The following TMEM178B variants were observed in gnomAD, a reference collection of about 807,000 sequenced individuals.
The protein encoded by TMEM178B is transmembrane protein 178B.
Under a neutral mutation model 31.0 loss-of-function variants are expected in TMEM178B, and 5 were observed. The ratio of observed to expected loss-of-function variants is 0.16; its 90% CI spans 0.08 to 0.34. The LOEUF (loss-of-function observed/expected upper bound fraction) is 0.34. Among genes scored for constraint, TMEM178B ranks in the 10% least tolerant of loss-of-function variants. TMEM178B has a pLI of 1.00. For synonymous variants in TMEM178B, 164 were observed against 164.0 expected, an observed-to-expected ratio of 1.00 and a Z score of 0.00; for missense variants, 275 against 400.3, an observed-to-expected ratio of 0.69 and a Z score of 2.67.
At chr7:141,268,963 T>A (rs1172659388) in intron 2 of TMEM178B, among the ~76,000 whole-genome samples, 1 of 152,218 alleles carries the variant, frequency 6.6e-6, no homozygotes, top group Non-Finnish European at 1.5e-5. Context: ...ACCACGGCAA[T>A]GCTCTTGCTC....
intron 2 of TMEM178B, among the ~76,000 whole-genome samples, chr7:141,430,598 C>G (rs546712490): frequency 2.4e-4 from 36 of 152,258 alleles, no homozygotes; most frequent in African/African-American, 8.7e-4. Context: ...TTCTCCTGTT[C>G]CTGCCAGTTG....
chr7:141,171,014 ACATACACACACACAC>A lies in TMEM178B; in HGVS notation c.383-41576_383-41562del. Among the ~76,000 whole-genome samples the A allele has an allele frequency of 1.2e-5, 1 of 82,248 alleles. No individual in the cohort carries two copies. Among genetic ancestry groups the A allele is most frequent in the Middle Eastern group, 6.0e-3 (1 of 166 alleles). 54.0% of individuals were successfully genotyped at this position (82,248 alleles called of 152,430 possible). A position where few individuals can be genotyped will look rare whatever the true frequency, so the allele number is the denominator to read the frequency against. ...CAGGTTCAGACTACACATCACACAC[ACATACACACACACAC>A]ACACACACACACACACACACACACA... On this transcript the variant is annotated intron_variant, in intron 1 of 3. Coordinates refer to ENST00000565468, the MANE Select transcript of TMEM178B (RefSeq NM_001195278.2). This position sits in a 1 kb window ranked among gnomAD's most constrained non-coding sequence, Gnocchi z 4.3.
At chr7:141,301,610 C>G (rs1207070066) in intron 2 of TMEM178B, among the ~76,000 whole-genome samples, 1 of 152,122 alleles carries the variant, frequency 6.6e-6, no homozygotes, top group African/African-American at 2.4e-5. Flanking sequence ...TTTCCAATCT[C>G]GAGCTAAGTG....
At chr7:141,076,717 T>G (rs1794606008) in intron 1 of TMEM178B, among the ~76,000 whole-genome samples, 1 of 152,208 alleles carries the variant, frequency 6.6e-6, no homozygotes, top group African/African-American at 2.4e-5. Flanking sequence ...GATTTTTAAT[T>G]GCAGCAACAG....
the TMEM178B span, among the ~76,000 whole-genome samples, chr7:141,491,851 G>C: frequency 6.6e-6 from 1 of 152,102 alleles, no homozygotes; most frequent in Non-Finnish European, 1.5e-5. Context: ...ATGCCATCGC[G>C]TGCCCTTTCA....
chr7:141,473,604 C>T lies in TMEM178B; in HGVS notation c.*2818C>T, dbSNP rs1229361931. On this transcript the variant is annotated 3_prime_UTR_variant, in exon 4 of 4. Transcript: ENST00000565468. ...CAAAGCTTACTGCATCCCTTTGAAA[C>T]CTTGAGAGTTCCTGAAATGTTAGAA... 1 of 152,164 alleles carries T rather than the reference C, an allele frequency of 6.6e-6. No homozygotes were observed. Among genetic ancestry groups the T allele is most frequent in the Admixed American group, 6.5e-5 (1 of 15,278 alleles). The allele number at this position is 152,164 out of a possible 1,614,324, so 9.4% of individuals were successfully genotyped here. A position where few individuals can be genotyped will look rare whatever the true frequency, so the allele number is the denominator to read the frequency against.
chr7:141,430,750 T>TTC (rs150063399), intron 2 of TMEM178B, among the ~76,000 whole-genome samples: 1 of 151,582 alleles, frequency 6.6e-6, no homozygotes, highest in African/African-American at 2.4e-5. Flanking sequence ...TCATTGCAGA[T>TTC]TCTCTCTCTC....
chr7:141,157,211 C>T (rs1796085591), intron 1 of TMEM178B, among the ~76,000 whole-genome samples: 1 of 152,094 alleles, frequency 6.6e-6, no homozygotes, highest in Non-Finnish European at 1.5e-5. Context: ...GATGCTCTGC[C>T]TCTCTTGGTG....
intron 2 of TMEM178B, among the ~76,000 whole-genome samples, chr7:141,288,091 G>A (rs1413100677): frequency 3.3e-5 from 5 of 152,166 alleles, no homozygotes; most frequent in South Asian, 2.1e-4. Flanking sequence ...CTGTGTGCCC[G>A]TGCGGTTGGG....
intron 2 of TMEM178B, among the ~76,000 whole-genome samples, chr7:141,263,890 A>AGTTTAT (rs1461643457): frequency 6.6e-6 from 1 of 152,234 alleles, no homozygotes; most frequent in Non-Finnish European, 1.5e-5. Context: ...TACATGGTAC[A>AGTTTAT]GTTTATTACA....
intron 2 of TMEM178B, among the ~76,000 whole-genome samples, chr7:141,312,708 C>G (rs1798933829): frequency 6.6e-6 from 1 of 152,198 alleles, no homozygotes; most frequent in African/African-American, 2.4e-5. Context: ...GATGCACCTG[C>G]AGATCATGTA....
chr7:141,431,650 A>C (rs1410300632), intron 2 of TMEM178B, among the ~76,000 whole-genome samples: 1 of 152,206 alleles, frequency 6.6e-6, no homozygotes, highest in Non-Finnish European at 1.5e-5. Context: ...AGTCAAACTC[A>C]CCATTCTGGG....
At chr7:141,443,915 TG>T (rs1801706692) in intron 3 of TMEM178B, among the ~76,000 whole-genome samples, 1 of 152,232 alleles carries the variant, frequency 6.6e-6, no homozygotes, top group South Asian at 2.1e-4. Context: ...TACCTTCTTT[TG>T]TTGCTCTCAT....
chr7:141,181,207 A>G (rs1369242750), intron 1 of TMEM178B, among the ~76,000 whole-genome samples: 1 of 152,252 alleles, frequency 6.6e-6, no homozygotes, highest in Non-Finnish European at 1.5e-5. Context: ...TGTCATTACA[A>G]TGATGTGTTC....
At chr7:141,511,195 C>G in the TMEM178B span, among the ~76,000 whole-genome samples, 1 of 151,122 alleles carries the variant, frequency 6.6e-6, no homozygotes, top group African/African-American at 2.4e-5. Context: ...GGAAAGAAAC[C>G]TTCAATTGAG....
At chr7:141,407,694 A>G (rs1180239385) in intron 2 of TMEM178B, among the ~76,000 whole-genome samples, 1 of 152,202 alleles carries the variant, frequency 6.6e-6, no homozygotes, top group African/African-American at 2.4e-5. Flanking sequence ...CCTGTGTCAC[A>G]CACCTGGAAG....
chr7:141,275,531 G>A (rs963628099), intron 2 of TMEM178B, among the ~76,000 whole-genome samples: 1 of 152,144 alleles, frequency 6.6e-6, no homozygotes, highest in Non-Finnish European at 1.5e-5. Flanking sequence ...CCCTGTAGGG[G>A]AAGGATGGGA....
At chr7:141,160,526 A>T (rs1796152467) in intron 1 of TMEM178B, among the ~76,000 whole-genome samples, 1 of 152,084 alleles carries the variant, frequency 6.6e-6, no homozygotes, top group Admixed American at 6.6e-5. Context: ...AGGATGGATC[A>T]CGTTGCTCTC....
intron 1 of TMEM178B, among the ~76,000 whole-genome samples, chr7:141,128,426 C>T (rs1452481980): frequency 6.6e-6 from 1 of 151,916 alleles, no homozygotes; most frequent in Non-Finnish European, 1.5e-5. Context: ...GCAAAACAGC[C>T]CCTGGGCACC....
Sources: allele counts gnomAD v4.1 joint callset (sites outside exome capture counted in the v4.1 genomes callset), GRCh38; gene constraint gnomAD v4.1.1; non-coding constraint Gnocchi (gnomAD v3.1); transcripts MANE v1.5; gene names NCBI Gene and HGNC (gene_info 2026-07-23, HGNC 2026-07-21).